SCFD2: variants seen among roughly 807,000 people sequenced by gnomAD.
The protein encoded by SCFD2 is sec1 family domain containing 2, also known as sec1 family domain-containing protein 2.
In SCFD2, 54 loss-of-function variants were observed where a neutral mutation model predicts 58.9. That is an observed-to-expected ratio of 0.92 (90% confidence interval 0.74 to 1.15). The LOEUF is 1.15. SCFD2 is among the 50% of genes most tolerant of loss of function. The pLI, the probability that SCFD2 is intolerant of heterozygous loss-of-function variation, is 0.00. For missense variants in SCFD2, 805 were observed against 836.6 expected, an observed-to-expected ratio of 0.96 and a Z score of 0.47; for synonymous variants, 321 against 335.9, an observed-to-expected ratio of 0.96 and a Z score of 0.49.
intron 2 of SCFD2, among the ~76,000 whole-genome samples, chr4:53,338,673 C>T (rs1488117708): frequency 3.6e-4 from 52 of 144,594 alleles, no homozygotes; most frequent in African/African-American, 1.1e-3. Context: ...CTCCGCCTCC[C>T]GGGTTCACGC....
chr4:53,170,110 G>A (rs756436044), intron 4 of SCFD2, among the ~76,000 whole-genome samples: 5 of 152,100 alleles, frequency 3.3e-5, no homozygotes, highest in Non-Finnish European at 7.4e-5. Flanking sequence ...CCCAGACAAA[G>A]GTAGTGTGGT....
Position 52,875,152 on chromosome 4 carries a change from C to G in SCFD2, c.1963-1091G>C, listed in dbSNP as rs62336797. ...CAGCGCAGACAGGCTGGCCCCAGTG[C>G]CCCCGTGCCTCCCTTCCCTGTCATC... On this transcript the variant is annotated intron_variant, in intron 8 of 8. Coordinates refer to ENST00000401642, the MANE Select transcript of SCFD2 (RefSeq NM_152540.4). 1.6e-3 allele frequency among the ~76,000 whole-genome samples: 251 copies of G among 152,298 alleles called. 1 individual carries two copies. The highest frequency in any genetic ancestry group is 2.9e-3 in the Non-Finnish European group (194 of 68,024).
At chr4:53,323,569 G>C (rs927304838) in intron 2 of SCFD2, among the ~76,000 whole-genome samples, 1 of 135,982 alleles carries the variant, frequency 7.4e-6, no homozygotes, top group African/African-American at 2.8e-5. Flanking sequence ...TTTTTGCGGA[G>C]ATGAATTTTC....
chr4:52,982,049 G>A (rs1721388560), intron 5 of SCFD2, among the ~76,000 whole-genome samples: 1 of 152,178 alleles, frequency 6.6e-6, no homozygotes, highest in Non-Finnish European at 1.5e-5. Flanking sequence ...GATCAAGGAT[G>A]ACTCTTATGT....
At chr4:53,115,347 G>T (rs1041558051) in intron 5 of SCFD2, among the ~76,000 whole-genome samples, 6 of 152,100 alleles carry the variant, frequency 3.9e-5, no homozygotes, top group African/African-American at 1.4e-4. Flanking sequence ...ACTGAGTCAG[G>T]GTATCTTTAA....
At chr4:53,008,905 T>C (rs1722036717) in intron 5 of SCFD2, among the ~76,000 whole-genome samples, 2 of 152,054 alleles carry the variant, frequency 1.3e-5, no homozygotes, top group Non-Finnish European at 2.9e-5. Flanking sequence ...CTTAAATGAG[T>C]TTCTTCTATG....
At chr4:53,289,645 T>C (rs575510427) in intron 3 of SCFD2, among the ~76,000 whole-genome samples, 1 of 152,114 alleles carries the variant, frequency 6.6e-6, no homozygotes, top group South Asian at 2.1e-4. Context: ...ATCTTAAATA[T>C]AAATGGATTA....
chr4:52,942,661 G>C (rs1720322757), intron 5 of SCFD2, among the ~76,000 whole-genome samples: 1 of 152,152 alleles, frequency 6.6e-6, no homozygotes, highest in Non-Finnish European at 1.5e-5. Context: ...GCCTGACACT[G>C]AGAGAAAGGC....
intron 4 of SCFD2, among the ~76,000 whole-genome samples, chr4:53,250,328 T>A (rs1730312559): frequency 6.6e-6 from 1 of 152,096 alleles, no homozygotes; most frequent in African/African-American, 2.4e-5. Context: ...ACAAAGAGAC[T>A]TAGACTCCCA....
At chr4:52,960,651 G>A (rs1720824957) in intron 5 of SCFD2, among the ~76,000 whole-genome samples, 1 of 152,012 alleles carries the variant, frequency 6.6e-6, no homozygotes, top group African/African-American at 2.4e-5. Flanking sequence ...TTACAGGCGT[G>A]AGCCACCGTG....
Position 53,091,571 on chromosome 4 carries a change from T to C in SCFD2, c.1561+53762A>G, listed in dbSNP as rs372034866. The stretch of plus-strand genomic sequence containing the variant: ...TCCAGGGATATCTACATAAATCTTA[T>C]TGCTAAATAAGTTAATTATGACTTA... On this transcript the variant is annotated intron_variant, in intron 5 of 8. Coordinates refer to ENST00000401642, the MANE Select transcript of SCFD2 (RefSeq NM_152540.4). 2.6e-5 allele frequency among the ~76,000 whole-genome samples: 4 copies of C among 152,280 alleles called. No homozygotes were observed. The East Asian group carries it at 7.7e-4, about 29-fold the overall frequency.
chr4:53,207,076 A>C (rs2148974518), intron 4 of SCFD2, among the ~76,000 whole-genome samples: 1 of 152,024 alleles, frequency 6.6e-6, no homozygotes, highest in African/African-American at 2.4e-5. Context: ...TGCAAAAGAG[A>C]GGTACCAGGG....
At chr4:53,196,387 C>A (rs1357681854) in intron 4 of SCFD2, among the ~76,000 whole-genome samples, 1 of 152,152 alleles carries the variant, frequency 6.6e-6, no homozygotes. Context: ...TAAAGGTTTC[C>A]TTCCTACTTG....
At chr4:53,339,366 T>TTA (rs1274177354) in intron 2 of SCFD2, among the ~76,000 whole-genome samples, 2 of 150,348 alleles carry the variant, frequency 1.3e-5, no homozygotes, top group Admixed American at 6.7e-5. Flanking sequence ...ATATTACATA[T>TTA]TATATATATG....
chr4:53,174,332 C>T (rs1560369407), intron 4 of SCFD2, among the ~76,000 whole-genome samples: 1 of 151,842 alleles, frequency 6.6e-6, no homozygotes. Flanking sequence ...ACAGGGAATA[C>T]AATGTATACC....
At chr4:53,261,762 C>A (rs1005604651) in intron 4 of SCFD2, among the ~76,000 whole-genome samples, 7 of 152,060 alleles carry the variant, frequency 4.6e-5, no homozygotes, top group Non-Finnish European at 8.8e-5. Flanking sequence ...CAATTTAAGT[C>A]CATTGTTTCT....
chr4:53,237,264 C>T (rs1157120144), intron 4 of SCFD2, among the ~76,000 whole-genome samples: 1 of 149,908 alleles, frequency 6.7e-6, no homozygotes, highest in African/African-American at 2.5e-5. Context: ...CGGCAACCAT[C>T]CGATTTCTCA....
chr4:52,953,697 CA>C (rs1344212660), intron 5 of SCFD2, among the ~76,000 whole-genome samples: 1 of 152,158 alleles, frequency 6.6e-6, no homozygotes, highest in East Asian at 1.9e-4. Context: ...GGTAAAATCC[CA>C]GGAGAATTAA....
chr4:53,225,923 A>G (rs1729197611), intron 4 of SCFD2, among the ~76,000 whole-genome samples: 1 of 152,060 alleles, frequency 6.6e-6, no homozygotes, highest in Admixed American at 6.5e-5. Flanking sequence ...ATGTTTACCA[A>G]TATTTTCCGG....
Sources: allele counts gnomAD v4.1 joint callset (sites outside exome capture counted in the v4.1 genomes callset), GRCh38; gene constraint gnomAD v4.1.1; transcripts MANE v1.5; gene names NCBI Gene and HGNC (gene_info 2026-07-23, HGNC 2026-07-21).